HSPA12A: variants seen among roughly 807,000 people sequenced by gnomAD.
HSPA12A encodes the protein heat shock protein family A (Hsp70) member 12A.
A neutral mutation model predicts 69.2 loss-of-function variants in HSPA12A; 28 were observed. That is an observed-to-expected ratio of 0.40 (90% CI 0.30 to 0.55). The LOEUF (loss-of-function observed/expected upper bound fraction) is 0.55. Ranked by LOEUF, HSPA12A falls within the 20% of genes least tolerant of loss-of-function variation. HSPA12A has a pLI of 0.38. For missense variants in HSPA12A, 686 were observed against 900.7 expected, an observed-to-expected ratio of 0.76 and a Z score of 3.05; for synonymous variants, 345 against 370.5, an observed-to-expected ratio of 0.93 and a Z score of 0.79.
At chr10:116,826,504 T>C (rs548374945) in intron 2 of HSPA12A, among the ~76,000 whole-genome samples, 1 of 152,276 alleles carries the variant, frequency 6.6e-6, no homozygotes, top group Non-Finnish European at 1.5e-5. Flanking sequence ...TGCGTGAGTG[T>C]CACCGCCCCT....
chr10:116,834,116 A>G (rs1032901126), intron 2 of HSPA12A, among the ~76,000 whole-genome samples: 1 of 152,200 alleles, frequency 6.6e-6, no homozygotes, highest in Non-Finnish European at 1.5e-5. Context: ...TCCCCCATTC[A>G]GCAAACACCT....
intron 2 of HSPA12A, chr10:116,828,911 A>G (rs1845559961): frequency 6.6e-6 from 1 of 152,212 alleles, no homozygotes; most frequent in African/African-American, 2.4e-5. Flanking sequence ...CAGCTCTGCG[A>G]TTTGTATCAC....
Position 116,675,545 on chromosome 10 carries a change from G to A in HSPA12A, c.1391-127C>T, listed in dbSNP as rs1488373151. 2 of 927,286 alleles carry A rather than the reference G, an allele frequency of 2.2e-6. No homozygotes were observed. Among genetic ancestry groups the A allele is most frequent in the Non-Finnish European group, 3.2e-6 (2 of 624,864 alleles). The allele number at this position is 927,286 out of a possible 1,614,324, so 57.4% of individuals were successfully genotyped here. On this transcript the variant is annotated intron_variant, in intron 11 of 11. Transcript: ENST00000369209. The surrounding 1 kb of genome is among the most constrained non-coding windows in gnomAD (Gnocchi z 5.2). ...GCCACTGGGAGGGCAGGCTTACTCT[G>A]AGCTCCTTGAACAGAATCTTTGCAG...
intron 1 of HSPA12A, among the ~76,000 whole-genome samples, chr10:116,720,462 A>G (rs1178611573): frequency 1.3e-5 from 2 of 152,198 alleles, no homozygotes; most frequent in Non-Finnish European, 2.9e-5. Flanking sequence ...CCCTAGTCAG[A>G]CAGCTGCAGT....
intron 2 of HSPA12A, among the ~76,000 whole-genome samples, chr10:116,767,777 G>T (rs2133111175): frequency 6.6e-6 from 1 of 152,292 alleles, no homozygotes; most frequent in Admixed American, 6.5e-5. Flanking sequence ...CTTCATGACA[G>T]CATGATGCCA....
intron 2 of HSPA12A, among the ~76,000 whole-genome samples, chr10:116,752,120 C>G (rs1050470599): frequency 6.6e-6 from 1 of 152,190 alleles, no homozygotes; most frequent in Non-Finnish European, 1.5e-5. Context: ...ATGTTGGCCT[C>G]TATTTCAGAT....
chr10:116,700,019 G>T (rs1048671911), intron 4 of HSPA12A, among the ~76,000 whole-genome samples: 3 of 152,208 alleles, frequency 2.0e-5, no homozygotes, highest in Non-Finnish European at 4.4e-5. Context: ...TCTGCACCAG[G>T]CATGGCTCTA....
Position 116,817,378 on chromosome 10 carries a change from C to T in HSPA12A, c.91+17557G>A, listed in dbSNP as rs143857909. On this transcript the variant is annotated intron_variant, in intron 2 of 12. Transcript: ENST00000635765. ...GAGACAATAGGGAACAAGGTGCCGGCTTCTGTGCTGGGTGCTAACCCTCGG... is the reference window on the plus strand; with the variant it reads ...GAGACAATAGGGAACAAGGTGCCGGTTTCTGTGCTGGGTGCTAACCCTCGG... Among the ~76,000 whole-genome samples the T allele has an allele frequency of 1.8e-4, 28 of 152,262 alleles. No individual in the cohort carries two copies. In the East Asian group the frequency reaches 5.0e-3, roughly 27 times the overall value.
chr10:116,772,504 T>G (rs1273571607), intron 2 of HSPA12A, among the ~76,000 whole-genome samples: 1 of 152,056 alleles, frequency 6.6e-6, no homozygotes, highest in Non-Finnish European at 1.5e-5. Flanking sequence ...TAACAGCCCT[T>G]TTGCAGATGC....
intron 1 of HSPA12A, among the ~76,000 whole-genome samples, chr10:116,720,299 G>T (rs1451200014): frequency 6.6e-6 from 1 of 152,096 alleles, no homozygotes; most frequent in Non-Finnish European, 1.5e-5. Flanking sequence ...TGGTAGAGTT[G>T]GCCACAACTT....
chr10:116,731,353 T>C (rs1251114367), intron 1 of HSPA12A, among the ~76,000 whole-genome samples: 6 of 152,166 alleles, frequency 3.9e-5, no homozygotes, highest in African/African-American at 7.2e-5. Context: ...GTGAAGCAAG[T>C]GACTCAGATG....
intron 2 of HSPA12A, among the ~76,000 whole-genome samples, chr10:116,815,919 G>A (rs912048186): frequency 9.9e-5 from 15 of 152,176 alleles, no homozygotes; most frequent in African/African-American, 3.6e-4. Flanking sequence ...CTCGGCCCCC[G>A]CGGCCCTAAG....
intron 2 of HSPA12A, among the ~76,000 whole-genome samples, chr10:116,788,545 A>G (rs1268225369): frequency 6.6e-6 from 1 of 152,230 alleles, no homozygotes. Flanking sequence ...CCAGGCTGTG[A>G]TCTGTAGCTC....
intron 2 of HSPA12A, among the ~76,000 whole-genome samples, chr10:116,767,173 G>A (rs1408794936): frequency 2.0e-5 from 3 of 152,176 alleles, no homozygotes; most frequent in African/African-American, 7.2e-5. Flanking sequence ...CATTGGCCTG[G>A]AGGAAACAGT....
intron 1 of HSPA12A, among the ~76,000 whole-genome samples, chr10:116,839,337 G>A (rs1039824856): frequency 3.9e-5 from 6 of 152,166 alleles, no homozygotes; most frequent in African/African-American, 7.2e-5. Flanking sequence ...CCTCCCCCAC[G>A]AAGACCCCGG....
At chr10:116,776,510 AT>A (rs1448574608) in intron 2 of HSPA12A, among the ~76,000 whole-genome samples, 8 of 152,368 alleles carry the variant, frequency 5.3e-5, no homozygotes, top group Non-Finnish European at 1.0e-4. Flanking sequence ...AATTCAGAAA[AT>A]TTTTTTTTTC....
intron 2 of HSPA12A, among the ~76,000 whole-genome samples, chr10:116,777,182 C>A (rs782423450): frequency 6.6e-6 from 1 of 152,176 alleles, no homozygotes; most frequent in East Asian, 1.9e-4. Flanking sequence ...AAGTTCTTGC[C>A]GCGTGGCACT....
chr10:116,789,408 G>A (rs1427122265), intron 2 of HSPA12A, among the ~76,000 whole-genome samples: 1 of 151,964 alleles, frequency 6.6e-6, no homozygotes, highest in Non-Finnish European at 1.5e-5. Flanking sequence ...ACTCTCTTAG[G>A]AAATAAGACT....
intron 1 of HSPA12A, 92 bp from the exon 2 acceptor site, chr10:116,707,377 A>T (rs1369915459): frequency 1.0e-6 from 1 of 984,146 alleles, no homozygotes; most frequent in African/African-American, 1.6e-5. Context: ...CTCCTCCAGG[A>T]ACTGCGGCCT....
Sources: allele counts gnomAD v4.1 joint callset (sites outside exome capture counted in the v4.1 genomes callset), GRCh38; gene constraint gnomAD v4.1.1; non-coding constraint Gnocchi (gnomAD v3.1); transcripts MANE v1.5; gene names NCBI Gene and HGNC (gene_info 2026-07-23, HGNC 2026-07-21).